The following PCDHGC5 variants were observed in gnomAD, a reference collection of about 807,000 sequenced individuals.
PCDHGC5 encodes the protein protocadherin gamma-C5.
In PCDHGC5, 25 loss-of-function variants were observed where a neutral mutation model predicts 59.0. The ratio of observed to expected loss-of-function variants is 0.42; its 90% CI spans 0.31 to 0.59. The LOEUF (loss-of-function observed/expected upper bound fraction) is 0.59. Among genes scored for constraint, PCDHGC5 ranks in the 20% least tolerant of loss-of-function variants. PCDHGC5 has a pLI of 0.13. For synonymous variants in PCDHGC5, 434 were observed against 505.5 expected (o/e 0.86, Z 1.90); for missense variants, 1,067 against 1,206.4 (o/e 0.88, Z 1.71).
rs765185360 is a variant in PCDHGC5, at chr5:141,491,451, C to T, written c.2211C>T (p.Pro737=). 1.2e-6 allele frequency: 2 copies of T among 1,614,112 alleles called. No individual in the cohort carries two copies. The highest frequency in any genetic ancestry group is 1.1e-5 in the South Asian group (1 of 91,082). The change falls in exon 1 of 4, where the codon CCC becomes CCT. Residue 737 remains proline (P), a synonymous_variant. Coordinates refer to ENST00000252087, the MANE Select transcript of PCDHGC5 (RefSeq NM_018929.3). This position sits in a 1 kb window ranked among gnomAD's most constrained non-coding sequence, Gnocchi z 6.9. ...AGTGCTGCAGGCGCCAGGACTCACC[C>T]TCCCCGGACTTCTATAAGCAGTCCA... ...GGQCCRRQDS[P]SPDFYKQSSP...
chr5:141,510,222 G>A (rs891688596), intron 3 of PCDHGC5, among the ~76,000 whole-genome samples: 3 of 151,498 alleles, frequency 2.0e-5, no homozygotes, highest in Admixed American at 6.6e-5. Context: ...GCAGTGAGCC[G>A]GGATCGCGCC....
Position 141,489,690 on chromosome 5 carries a change from A to T in PCDHGC5, c.450A>T (p.Ala150=). The T allele has an allele frequency of 6.2e-7, 1 of 1,614,198 alleles. No individual in the cohort carries two copies. The highest frequency in any genetic ancestry group is 8.5e-7 in the Non-Finnish European group (1 of 1,180,024). The part of the protein sequence containing the change: ...MRISESAASG[A]RFPLDSAQDP... ...TCTCAGAATCAGCAGCATCTGGGGC[A>T]CGATTCCCACTGGACAGTGCCCAGG... Residue 150 remains alanine, a synonymous_variant, in exon 1 of 4, where the codon GCA becomes GCT. Coordinates refer to ENST00000252087, the MANE Select transcript of PCDHGC5 (RefSeq NM_018929.3). The surrounding 1 kb of genome is among the most constrained non-coding windows in gnomAD (Gnocchi z 4.5).
intron 2 of PCDHGC5, among the ~76,000 whole-genome samples, chr5:141,502,352 C>G (rs544911376): frequency 3.2e-4 from 49 of 151,888 alleles, no homozygotes; most frequent in African/African-American, 1.2e-3. Flanking sequence ...TTTTTAATGA[C>G]ATGGATATTT....
intron 2 of PCDHGC5, among the ~76,000 whole-genome samples, chr5:141,496,013 T>C (rs2154591828): frequency 6.6e-6 from 1 of 152,134 alleles, no homozygotes; most frequent in East Asian, 1.9e-4. Flanking sequence ...CTTGTCTTTT[T>C]TCTCTGAGCC....
At position 141,491,381 on chromosome 5, in the gene PCDHGC5, C is replaced by CT. The variant is rs1554177905; in HGVS notation, c.2141_2142insT (p.Lys715GlufsTer29). The CT allele has an allele frequency of 2.8e-5, 45 of 1,614,068 alleles. No individual in the cohort carries two copies. Among genetic ancestry groups the CT allele is most frequent in the Non-Finnish European group, 3.5e-5 (41 of 1,179,950 alleles). On this transcript the variant is annotated frameshift_variant, in exon 1 of 4. Coordinates refer to ENST00000252087, the MANE Select transcript of PCDHGC5 (RefSeq NM_018929.3). LOFTEE classifies it high-confidence loss of function. This position sits in a 1 kb window ranked among gnomAD's most constrained non-coding sequence, Gnocchi z 6.9. ...CTAGTCACCTTCACCTTTCTGTCAG[C>CT]GAAGTGCCTTCAGGGAAACGCAGAC...
chr5:141,503,075 G>A (rs1373753092), intron 2 of PCDHGC5, among the ~76,000 whole-genome samples: 1 of 151,438 alleles, frequency 6.6e-6, no homozygotes, highest in African/African-American at 2.4e-5. Context: ...GAATGGTCTC[G>A]ATCTCCTGAC....
chr5:141,508,971 T>C (rs776443205), intron 3 of PCDHGC5, among the ~76,000 whole-genome samples: 14 of 152,004 alleles, frequency 9.2e-5, no homozygotes, highest in Non-Finnish European at 2.1e-4. Context: ...ATGAAAGGGC[T>C]GGGGGTGGGG....
chr5:141,490,796 A>G lies in PCDHGC5; in HGVS notation c.1556A>G (p.Gln519Arg). ...CCAGAGGATGGACGGATCTTTGCCC[A>G]GCGTACCTTTGACTATGAATTGCTG... ...VNPEDGRIFA[Q>R]RTFDYELLQM... The change falls in exon 1 of 4, where the codon CAG becomes CGG. Residue 519 changes from glutamine (Q) to arginine (R), a missense_variant. Coordinates refer to ENST00000252087, the MANE Select transcript of PCDHGC5 (RefSeq NM_018929.3). The surrounding 1 kb of genome is among the most constrained non-coding windows in gnomAD (Gnocchi z 5.4). The G allele has an allele frequency of 6.2e-7, 1 of 1,613,978 alleles. No individual in the cohort carries two copies. The highest frequency in any genetic ancestry group is 8.5e-7 in the Non-Finnish European group (1 of 1,179,904).
intron 2 of PCDHGC5, among the ~76,000 whole-genome samples, chr5:141,496,189 G>A (rs1362938002): frequency 1.3e-5 from 2 of 152,004 alleles, no homozygotes; most frequent in Admixed American, 6.6e-5. Flanking sequence ...AGCCCCAGCT[G>A]CTCATTTCAA....
chr5:141,490,473 T>C lies in PCDHGC5; in HGVS notation c.1233T>C (p.Pro411=). 6.2e-7 allele frequency: 1 copy of C among 1,614,228 alleles called. No homozygotes were observed. Among genetic ancestry groups the C allele is most frequent in the East Asian group, 2.2e-5 (1 of 44,878 alleles). Residue 411 remains proline, a synonymous_variant, in exon 1 of 4, where the codon CCT becomes CCC. Transcript: ENST00000252087. This position sits in a 1 kb window ranked among gnomAD's most constrained non-coding sequence, Gnocchi z 5.4. ...ENHYSLLTSQ[P]LDREATSHYI... ...ACTACTCGCTGCTAACCAGCCAGCC[T>C]TTGGACCGGGAGGCCACATCCCACT...
At chr5:141,508,756 C>A (rs890362975) in intron 3 of PCDHGC5, among the ~76,000 whole-genome samples, 2 of 151,904 alleles carry the variant, frequency 1.3e-5, no homozygotes, top group African/African-American at 4.8e-5. Flanking sequence ...CTTTCTCTGG[C>A]GCCTCTGAGG....
intron 3 of PCDHGC5, among the ~76,000 whole-genome samples, chr5:141,506,781 T>C (rs965408564): frequency 1.4e-4 from 22 of 152,168 alleles, no homozygotes; most frequent in African/African-American, 5.3e-4. Context: ...CCTGGGCTTA[T>C]AAGGAGGCTG....
At chr5:141,499,779 C>T (rs1450026011) in intron 2 of PCDHGC5, among the ~76,000 whole-genome samples, 3 of 151,452 alleles carry the variant, frequency 2.0e-5, no homozygotes, top group Non-Finnish European at 4.4e-5. Flanking sequence ...CTTCGCCTCC[C>T]GGGTTCAAGC....
rs745435492 is a variant in PCDHGC5, at chr5:141,489,215, A to G, written c.-26A>G. The G allele has an allele frequency of 4.1e-6, 6 of 1,475,362 alleles. No homozygotes were observed. Among genetic ancestry groups the G allele is most frequent in the Non-Finnish European group, 5.5e-6 (6 of 1,093,140 alleles). 91.4% of individuals were successfully genotyped at this position (1,475,362 alleles called of 1,614,324 possible). A position where few individuals can be genotyped will look rare whatever the true frequency, so the allele number is the denominator to read the frequency against. ...CTTGGAGACAGGACAGCACAGACTT[A>G]CTCTCCACAAAGGGACTTCTGGGTC... On this transcript the variant is annotated 5_prime_UTR_variant, in exon 1 of 4. Coordinates refer to ENST00000252087, the MANE Select transcript of PCDHGC5 (RefSeq NM_018929.3). The surrounding 1 kb of genome is among the most constrained non-coding windows in gnomAD (Gnocchi z 4.5).
rs1036223789 is a variant in PCDHGC5, at chr5:141,511,298, G to A, written c.*125G>A. On this transcript the variant is annotated 3_prime_UTR_variant, in exon 4 of 4. Transcript: ENST00000252087. ...GAATACTGGTAGGGGCCAAGGCCAT[G>A]CTCCCCTTGGGAAACAGAAACAAGT... The A allele has an allele frequency of 4.7e-6, 7 of 1,502,412 alleles. No individual in the cohort carries two copies. In the African/African-American group the frequency reaches 8.4e-5, roughly 18 times the overall value. The allele number at this position is 1,502,412 out of a possible 1,614,324, so 93.1% of individuals were successfully genotyped here. A position where few individuals can be genotyped will look rare whatever the true frequency, so the allele number is the denominator to read the frequency against.
intron 2 of PCDHGC5, among the ~76,000 whole-genome samples, chr5:141,501,942 C>T (rs1012840550): frequency 2.6e-5 from 4 of 152,136 alleles, no homozygotes; most frequent in Non-Finnish European, 4.4e-5. Context: ...CACCACTGCT[C>T]CCTGTGACAG....
intron 3 of PCDHGC5, among the ~76,000 whole-genome samples, chr5:141,508,742 C>A (rs955179947): frequency 2.0e-5 from 3 of 151,998 alleles, no homozygotes; most frequent in Admixed American, 6.6e-5. Context: ...CCCCCCACCC[C>A]GCTCTTTCTC....
intron 3 of PCDHGC5, among the ~76,000 whole-genome samples, chr5:141,509,069 G>A (rs1463164307): frequency 2.6e-5 from 4 of 152,174 alleles, no homozygotes; most frequent in African/African-American, 9.7e-5. Context: ...CTCAGCTCCG[G>A]GGATTTGCGA....
Position 141,490,809 on chromosome 5 carries a change from C to T in PCDHGC5, c.1569C>T (p.Asp523=). Residue 523 remains aspartate (D), a synonymous_variant, in exon 1 of 4, where the codon GAC becomes GAT. Transcript: ENST00000252087. The surrounding 1 kb of genome is among the most constrained non-coding windows in gnomAD (Gnocchi z 5.4). Reference sequence around the variant, plus strand: ...GGATCTTTGCCCAGCGTACCTTTGACTATGAATTGCTGCAGATGCTGCAGA... The same window carrying T: ...GGATCTTTGCCCAGCGTACCTTTGATTATGAATTGCTGCAGATGCTGCAGA... ...DGRIFAQRTF[D]YELLQMLQIV... 2 of 1,613,954 alleles carry T rather than the reference C, an allele frequency of 1.2e-6. No individual in the cohort carries two copies. Among genetic ancestry groups the T allele is most frequent in the South Asian group, 2.2e-5 (2 of 91,076 alleles).
Sources: allele counts gnomAD v4.1 joint callset (sites outside exome capture counted in the v4.1 genomes callset), GRCh38; gene constraint gnomAD v4.1.1; non-coding constraint Gnocchi (gnomAD v3.1); transcripts MANE v1.5; gene names NCBI Gene and HGNC (gene_info 2026-07-23, HGNC 2026-07-21).